Variants in MAD1L1 observed in about 807,000 individuals in gnomAD.
MAD1L1 encodes the protein mitotic spindle assembly checkpoint protein MAD1.
Under a neutral mutation model 96.9 loss-of-function variants are expected in MAD1L1, and 95 were observed. That is an observed-to-expected ratio of 0.98 (90% CI 0.83 to 1.16). The LOEUF is 1.16. Ranked by LOEUF, MAD1L1 falls within the 50% of genes most tolerant of loss-of-function variation. The pLI is 0.00. For synonymous variants in MAD1L1, 473 were observed against 396.6 expected (o/e 1.19, Z -2.29); for missense variants, 1,007 against 954.4 (o/e 1.06, Z -0.73).
intron 18 of MAD1L1, chr7:1,845,677 C>T (rs894858662): frequency 1.7e-5 from 2 of 115,264 alleles, no homozygotes; most frequent in Non-Finnish European, 4.0e-5. Context: ...ACACGCGTCC[C>T]GCTCTGGTTC....
chr7:1,816,186 C>T lies in MAD1L1; in HGVS notation c.2041G>A (p.Glu681Lys). 5.6e-6 allele frequency: 9 copies of T among 1,613,432 alleles called. No homozygotes were observed. Among genetic ancestry groups the T allele is most frequent in the African/African-American group, 1.3e-5 (1 of 75,016 alleles). ...AGCTCGCCCACGGTGTGTGAGAACT[C>T]TGTCTCCAGTAGCTGCATCTTGGAA... The part of the protein sequence containing the change: ...SGSKMQLLET[E>K]FSHTVGELIE... Residue 681 changes from glutamate to lysine, a missense_variant, in exon 19 of 19, where the codon GAG becomes AAG. Coordinates refer to ENST00000265854, the MANE Select transcript of MAD1L1 (RefSeq NM_001013836.2).
intron 10 of MAD1L1, among the ~76,000 whole-genome samples, chr7:2,179,970 T>C (rs1791120835): frequency 7.6e-6 from 1 of 131,222 alleles, no homozygotes; most frequent in Non-Finnish European, 1.6e-5. Context: ...AAACTCCGTC[T>C]CAAAAAAAAA....
intron 12 of MAD1L1, among the ~76,000 whole-genome samples, chr7:2,045,005 G>A (rs1188697156): frequency 1.3e-5 from 2 of 152,168 alleles, no homozygotes; most frequent in South Asian, 2.1e-4. Context: ...GGGGCCACAC[G>A]CCCAAGCCAC....
chr7:2,073,838 G>A (rs1785250471), intron 11 of MAD1L1, among the ~76,000 whole-genome samples: 1 of 152,188 alleles, frequency 6.6e-6, no homozygotes, highest in African/African-American at 2.4e-5. Flanking sequence ...GTGAACCAGA[G>A]CAACACACAT....
rs199612624 is a variant in MAD1L1 at position 1,994,592 on chromosome 7, C to T, written c.1416+7473G>A. On this transcript the variant is annotated intron_variant, in intron 14 of 18. Coordinates refer to ENST00000265854, the MANE Select transcript of MAD1L1 (RefSeq NM_001013836.2). ...GCCCATGCCATGGACTGTGTGCTCC[C>T]GCTCTCATGCTGAAATCCTAGGAGG... 1.2e-4 allele frequency among the ~76,000 whole-genome samples: 18 copies of T among 152,236 alleles called. No individual in the cohort carries two copies. The East Asian group carries it at 3.1e-3, about 26-fold the overall frequency.
intron 10 of MAD1L1, among the ~76,000 whole-genome samples, chr7:2,189,959 T>C (rs947090119): frequency 1.3e-5 from 2 of 152,226 alleles, no homozygotes; most frequent in Middle Eastern, 6.8e-3. Context: ...ATTCTCACCA[T>C]GCCCAGGTAA....
chr7:2,187,069 A>G (rs1225738289), intron 10 of MAD1L1, among the ~76,000 whole-genome samples: 1 of 152,112 alleles, frequency 6.6e-6, no homozygotes, highest in Non-Finnish European at 1.5e-5. Context: ...CTGGGACTAC[A>G]GGCGTGAGTC....
chr7:2,210,260 G>C (rs2114979676), intron 10 of MAD1L1, among the ~76,000 whole-genome samples: 1 of 152,178 alleles, frequency 6.6e-6, no homozygotes, highest in South Asian at 2.1e-4. Context: ...GGTACACACG[G>C]GGTCTCAACT....
chr7:1,907,431 G>C (rs377736101), intron 17 of MAD1L1, among the ~76,000 whole-genome samples: 1 of 152,242 alleles, frequency 6.6e-6, no homozygotes, highest in African/African-American at 2.4e-5. Flanking sequence ...ACCAATGTTG[G>C]GATTTTCAGG....
At chr7:2,166,979 C>G (rs1039479067) in intron 10 of MAD1L1, among the ~76,000 whole-genome samples, 5 of 152,248 alleles carry the variant, frequency 3.3e-5, no homozygotes, top group Non-Finnish European at 7.3e-5. Context: ...ATCTGCCTAA[C>G]TGGTGGAATC....
chr7:2,161,813 G>A (rs1209323748), intron 10 of MAD1L1, among the ~76,000 whole-genome samples: 1 of 152,050 alleles, frequency 6.6e-6, no homozygotes, highest in Non-Finnish European at 1.5e-5. Flanking sequence ...TCTGGGAGGT[G>A]AGGAGCATCT....
intron 18 of MAD1L1, among the ~76,000 whole-genome samples, chr7:1,816,602 C>G (rs1025531857): frequency 2.0e-5 from 3 of 152,104 alleles, no homozygotes; most frequent in Non-Finnish European, 2.9e-5. Flanking sequence ...CTGGGCAAGT[C>G]CTGCAACGCC....
chr7:1,840,283 C>CT (rs1783178433), intron 18 of MAD1L1, among the ~76,000 whole-genome samples: 1 of 152,246 alleles, frequency 6.6e-6, no homozygotes. Flanking sequence ...CAGACAAACT[C>CT]TAATTCACCC....
intron 10 of MAD1L1, among the ~76,000 whole-genome samples, chr7:2,152,328 G>A (rs1004551117): frequency 6.6e-6 from 1 of 152,236 alleles, no homozygotes; most frequent in Non-Finnish European, 1.5e-5. Context: ...AACCACAGGG[G>A]CAGCCGTGCC....
chr7:1,852,517 G>C (rs1009493186), intron 18 of MAD1L1, among the ~76,000 whole-genome samples: 1 of 152,186 alleles, frequency 6.6e-6, no homozygotes, highest in South Asian at 2.1e-4. Flanking sequence ...GGGGCAGCCA[G>C]GCTTCCACCC....
intron 11 of MAD1L1, among the ~76,000 whole-genome samples, chr7:2,106,152 C>G (rs2128553720): frequency 6.6e-6 from 1 of 151,876 alleles, no homozygotes; most frequent in Non-Finnish European, 1.5e-5. Flanking sequence ...ACCCCCAGCA[C>G]AGGGCCCTTG....
chr7:1,916,346 A>G (rs939510795), intron 17 of MAD1L1, among the ~76,000 whole-genome samples: 1 of 152,186 alleles, frequency 6.6e-6, no homozygotes, highest in African/African-American at 2.4e-5. Flanking sequence ...GACAGCCAAA[A>G]AGTGGAACCA....
At chr7:2,232,732 G>C (rs959506173) in intron 1 of MAD1L1, 140 bp downstream of exon 1, 4 of 152,576 alleles carry the variant, frequency 2.6e-5, no homozygotes, top group Non-Finnish European at 5.8e-5. Flanking sequence ...GGCGGGCGCG[G>C]GGTCCTGAGG....
intron 11 of MAD1L1, among the ~76,000 whole-genome samples, chr7:2,108,982 C>T (rs56248405): frequency 0.027 from 4,130 of 152,360 alleles, 98 homozygotes; most frequent in South Asian, 0.091. Context: ...CAGGCGCTAC[C>T]AAGTATGGGT....
Sources: allele counts gnomAD v4.1 joint callset (sites outside exome capture counted in the v4.1 genomes callset), GRCh38; gene constraint gnomAD v4.1.1; transcripts MANE v1.5; gene names NCBI Gene and HGNC (gene_info 2026-07-23, HGNC 2026-07-21).